ATAD3B: variants seen among roughly 807,000 people sequenced by gnomAD.
The protein encoded by ATAD3B is ATPase family AAA domain-containing protein 3B.
Under a neutral mutation model 70.2 loss-of-function variants are expected in ATAD3B, and 59 were observed. The observed-to-expected ratio is 0.84, with a 90% CI of 0.68 to 1.04. ATAD3B has a LOEUF of 1.04. Among genes scored for constraint, ATAD3B ranks in the 50% least tolerant of loss-of-function variants. The pLI is 0.00. For synonymous variants in ATAD3B, 423 were observed against 388.6 expected, an observed-to-expected ratio of 1.09 and a Z score of -1.04; for missense variants, 961 against 913.4, an observed-to-expected ratio of 1.05 and a Z score of -0.67.
Position 1,482,349 on chromosome 1 carries a change from G to C in ATAD3B, c.680+46G>C. 4.5e-6 allele frequency: 7 copies of C among 1,546,628 alleles called. 1 individual carries two copies. Among genetic ancestry groups the C allele is most frequent in the Non-Finnish European group, 6.1e-6 (7 of 1,153,978 alleles). ...GGCCGGCCACAGATGGAGCCCCGCA[G>C]GTGTGAGTCGCTGGTCCCAGGGCGC... On this transcript the variant is annotated intron_variant, in intron 6 of 15. Coordinates refer to ENST00000673477, the MANE Select transcript of ATAD3B (RefSeq NM_031921.6).
At chr1:1,493,726 G>A (rs1217738928) in intron 15 of ATAD3B, among the ~76,000 whole-genome samples, 2 of 151,800 alleles carry the variant, frequency 1.3e-5, no homozygotes, top group Non-Finnish European at 2.9e-5. Context: ...TGCTAATATT[G>A]ATTGATTTTC....
intron 7 of ATAD3B, chr1:1,483,231 GT>G (rs761173637): frequency 5.7e-6 from 2 of 350,384 alleles, no homozygotes; most frequent in South Asian, 4.3e-5. Flanking sequence ...GGTGGTGGAG[GT>G]TGCAATGAGT....
At chr1:1,492,139 T>C (rs952782828) in intron 15 of ATAD3B, among the ~76,000 whole-genome samples, 2 of 151,746 alleles carry the variant, frequency 1.3e-5, no homozygotes, top group Non-Finnish European at 2.9e-5. Flanking sequence ...TGAGCTGTGA[T>C]TGTGCCACTG....
At chr1:1,502,664 G>A (rs984441637), downstream of ATAD3B, among the ~76,000 whole-genome samples, 1 of 150,792 alleles carries the variant, frequency 6.6e-6, no homozygotes, top group East Asian at 2.0e-4. Flanking sequence ...GGCACAGGCC[G>A]ACATGCCCGG....
At chr1:1,476,021 G>C (rs1287177368) in intron 1 of ATAD3B, among the ~76,000 whole-genome samples, 13 of 147,372 alleles carry the variant, frequency 8.8e-5, no homozygotes, top group Non-Finnish European at 1.9e-4. Flanking sequence ...CAGTCCCCTC[G>C]GGGTCAGAGT....
Position 1,492,051 on chromosome 1 carries a change from TG to T in ATAD3B, c.1614+1382del, listed in dbSNP as rs1254501541. Reference sequence around the variant, plus strand: ...AAATGAAAAAATTGGCCGGACCTAGTGGCACATGCCTGTAATGCCAGCTGCT... The same window carrying T: ...AAATGAAAAAATTGGCCGGACCTAGTGCACATGCCTGTAATGCCAGCTGCT... On this transcript the variant is annotated intron_variant, in intron 15 of 15. Transcript: ENST00000673477. 1.5e-4 allele frequency among the ~76,000 whole-genome samples: 23 copies of T among 152,084 alleles called. 1 individual carries two copies. The South Asian group carries it at 4.8e-3, about 32-fold the overall frequency.
chr1:1,507,041 C>T, the ATAD3B span, among the ~76,000 whole-genome samples: 7 of 151,984 alleles, frequency 4.6e-5, no homozygotes, highest in African/African-American at 1.7e-4. Context: ...CCCGCTTCAG[C>T]CTCCCAAAGT....
chr1:1,478,574 G>A (rs1557794983), intron 2 of ATAD3B, 70 bp from the exon 3 acceptor site: 1 of 1,550,514 alleles, frequency 6.4e-7, no homozygotes, highest in Non-Finnish European at 8.7e-7. Flanking sequence ...GAGCTGTGCA[G>A]ACACAGGAGC....
intron 4 of ATAD3B, among the ~76,000 whole-genome samples, chr1:1,479,488 A>AC (rs1243048528): frequency 2.2e-5 from 3 of 137,192 alleles, no homozygotes; most frequent in Non-Finnish European, 4.7e-5. Flanking sequence ...GTGCGCACAC[A>AC]CCCCTACACA....
At chr1:1,500,667 C>T (rs1228428730), downstream of ATAD3B, among the ~76,000 whole-genome samples, 9 of 151,146 alleles carry the variant, frequency 6.0e-5, no homozygotes, top group East Asian at 6.0e-4. Context: ...GTATCAGCCA[C>T]TTCAGGCAGG....
rs1640791790 is a variant in ATAD3B, at chr1:1,496,273, A to G, written c.*456A>G. On this transcript the variant is annotated 3_prime_UTR_variant, in exon 16 of 16. Coordinates refer to ENST00000673477, the MANE Select transcript of ATAD3B (RefSeq NM_031921.6). ...CGCCCTAGCGTCCTCCTGGGGTCAA[A>G]GGTGACATAAGAGGCAGAGGCTGGA... 6.1e-6 allele frequency: 6 copies of G among 981,846 alleles called. No homozygotes were observed. The South Asian group carries it at 2.8e-4, about 46-fold the overall frequency. The allele number at this position is 981,846 out of a possible 1,614,324, so 60.8% of individuals were successfully genotyped here.
downstream of ATAD3B, among the ~76,000 whole-genome samples, chr1:1,501,000 C>T (rs1640933892): frequency 1.3e-5 from 2 of 152,146 alleles, no homozygotes; most frequent in Admixed American, 1.3e-4. Context: ...TAGATGGTTC[C>T]TTCCTGGTTC....
intron 6 of ATAD3B, 52 bp from the exon 7 acceptor site, chr1:1,482,493 C>T (rs371133290): frequency 4.0e-5 from 64 of 1,612,898 alleles, no homozygotes; most frequent in African/African-American, 9.3e-5. Context: ...GCTCTCGCTG[C>T]GTGGTACGGA....
rs188062795 is a variant in ATAD3B at position 1,485,884 on chromosome 1, C to T, written c.963+46C>T. ...CCGGGGAGGTGCAGGGAGGGGACCC[C>T]GGAGCTGGGCTGGGCTGTGGCCCTT... On this transcript the variant is annotated intron_variant, in intron 9 of 15. Transcript: ENST00000673477. 6.5e-5 allele frequency: 104 copies of T among 1,611,986 alleles called. 2 individuals are homozygous for T. The highest frequency in any genetic ancestry group is 1.2e-4 in the Admixed American group (7 of 59,918).
rs752977494 is a variant in ATAD3B, at chr1:1,487,956, C to T, written c.1266+42C>T. The T allele has an allele frequency of 2.5e-5, 41 of 1,608,730 alleles. 1 individual carries two copies. Among genetic ancestry groups the T allele is most frequent in the East Asian group, 4.5e-5 (2 of 44,852 alleles). ...CTCTGTCTGGCCACAGGAGGGTGGT[C>T]GGGTGGGCGCGGCTGTCATCCTGGG... On this transcript the variant is annotated intron_variant, in intron 12 of 15. Coordinates refer to ENST00000673477, the MANE Select transcript of ATAD3B (RefSeq NM_031921.6).
chr1:1,483,188 G>A (rs1299788368), intron 7 of ATAD3B: 7 of 369,844 alleles, frequency 1.9e-5, no homozygotes, highest in Admixed American at 6.8e-5. Flanking sequence ...CTGTAATCTC[G>A]GGAGGCTGAG....
At chr1:1,490,846 C>T (rs751155912) in intron 15 of ATAD3B, among the ~76,000 whole-genome samples, 175 bp downstream of exon 15, 2 of 152,084 alleles carry the variant, frequency 1.3e-5, no homozygotes, top group Non-Finnish European at 2.9e-5. Context: ...CACGCAGCAG[C>T]GTGCACCTGC....
chr1:1,494,010 A>G (rs1640657683), intron 15 of ATAD3B, among the ~76,000 whole-genome samples: 2 of 151,940 alleles, frequency 1.3e-5, no homozygotes, highest in Non-Finnish European at 2.9e-5. Flanking sequence ...TGTTTTGTGA[A>G]TTCACATGTG....
At chr1:1,508,213 G>A in the ATAD3B span, among the ~76,000 whole-genome samples, 9 of 151,320 alleles carry the variant, frequency 5.9e-5, 1 homozygote, top group South Asian at 6.2e-4. Flanking sequence ...TCCAGTCAGT[G>A]TCTCCTGCGC....
Sources: allele counts gnomAD v4.1 joint callset (sites outside exome capture counted in the v4.1 genomes callset), GRCh38; gene constraint gnomAD v4.1.1; transcripts MANE v1.5; gene names NCBI Gene and HGNC (gene_info 2026-07-23, HGNC 2026-07-21).